Variants in MED12L observed in about 807,000 individuals in gnomAD.
The protein encoded by MED12L is mediator of RNA polymerase II transcription subunit 12-like protein.
In MED12L, 60 loss-of-function variants were observed where a neutral mutation model predicts 281.3. The observed-to-expected ratio is 0.21, with a 90% confidence interval of 0.17 to 0.26. MED12L has a LOEUF of 0.26. Among genes scored for constraint, MED12L ranks in the 10% least tolerant of loss-of-function variants. The probability of loss-of-function intolerance (pLI) is 1.00; values close to 1 mark genes in which losing one functional copy is unlikely to be tolerated. For missense variants in MED12L, 2,146 were observed against 2,680.9 expected, an observed-to-expected ratio of 0.80 and a Z score of 4.41; for synonymous variants, 974 against 987.2, an observed-to-expected ratio of 0.99 and a Z score of 0.25.
intron 16 of MED12L, among the ~76,000 whole-genome samples, chr3:151,210,558 T>A (rs1727004239): frequency 6.6e-6 from 1 of 152,218 alleles, no homozygotes; most frequent in African/African-American, 2.4e-5. Flanking sequence ...TAAAACATTT[T>A]GTATAGGTAG....
At position 151,385,089 on chromosome 3, in the gene MED12L, G is replaced by T. The variant is rs1456674839; in HGVS notation, c.4986G>T (p.Leu1662Phe). The stretch of plus-strand genomic sequence containing the variant: ...ACAAAGTTCGACAGTTACTACCTTT[G>T]CCGAAACAGACATGTGATGTCATCA... ...SIDKVRQLLP[L>F]PKQTCDVITC... The change falls in exon 36 of 45, where the codon TTG becomes TTT. Residue 1662 changes from leucine (L) to phenylalanine (F), a missense_variant. By Grantham distance (22) the Leu-to-Phe change is conservative (BLOSUM62 0). Transcript: ENST00000687756. 2.5e-6 allele frequency: 4 copies of T among 1,612,366 alleles called. No individual in the cohort carries two copies. In the Admixed American group the frequency reaches 5.0e-5, roughly 20 times the overall value.
chr3:151,367,531 G>A (rs1755433937), intron 23 of MED12L, 115 bp from the exon 24 acceptor site: 1 of 878,364 alleles, frequency 1.1e-6, no homozygotes. Flanking sequence ...CCCTCTGCTG[G>A]TTCATGTTGG....
intron 24 of MED12L, 147 bp downstream of exon 24, chr3:151,367,913 A>G (rs1185930943): frequency 3.0e-6 from 3 of 1,016,446 alleles, no homozygotes; most frequent in Admixed American, 2.4e-5. Flanking sequence ...TAGAATTTTA[A>G]TAGTTATTTT....
chr3:151,345,268 T>A, intron 16 of MED12L, among the ~76,000 whole-genome samples: 1 of 152,172 alleles, frequency 6.6e-6, no homozygotes, highest in East Asian at 1.9e-4. Flanking sequence ...GACTCTCCAG[T>A]TGATGCTTTT....
chr3:151,251,485 G>A (rs1736846726), intron 16 of MED12L, among the ~76,000 whole-genome samples: 1 of 151,934 alleles, frequency 6.6e-6, no homozygotes, highest in Admixed American at 6.6e-5. Context: ...CCACCCACAG[G>A]GTGTGTCCTC....
At chr3:151,215,588 CT>C (rs1447035228) in intron 16 of MED12L, among the ~76,000 whole-genome samples, 1 of 152,132 alleles carries the variant, frequency 6.6e-6, no homozygotes, top group Non-Finnish European at 1.5e-5. Flanking sequence ...TTTAGGAATC[CT>C]GTATATTCTT....
At chr3:151,425,564 GTT>G in intron 43 of MED12L, 1 of 318,426 alleles carries the variant, frequency 3.1e-6, no homozygotes, top group Non-Finnish European at 6.5e-6. Flanking sequence ...TTTTGTTTTT[GTT>G]TGTGTGTGTG....
chr3:151,355,777 C>T lies in MED12L; in HGVS notation c.2518-119C>T, dbSNP rs1577420164. 6 of 799,184 alleles carry T rather than the reference C, an allele frequency of 7.5e-6. No homozygotes were observed. The South Asian group carries it at 1.5e-4, about 20-fold the overall frequency. The allele number at this position is 799,184 out of a possible 1,614,324, so 49.5% of individuals were successfully genotyped here. A position where few individuals can be genotyped will look rare whatever the true frequency, so the allele number is the denominator to read the frequency against. On this transcript the variant is annotated intron_variant, in intron 18 of 44. Coordinates refer to ENST00000687756, the MANE Select transcript of MED12L (RefSeq NM_001393769.1). ...TAGTTTCTATAGAAACACGTTTTGA[C>T]TTTCGTCAAAGTAGAATCATGTATA...
chr3:151,198,216 T>C, intron 16 of MED12L: 1 of 427,036 alleles, frequency 2.3e-6, no homozygotes. Context: ...TTTGTACAAA[T>C]ATTTGGGTTA....
intron 39 of MED12L, among the ~76,000 whole-genome samples, chr3:151,399,865 C>T (rs189309695): frequency 1.1e-4 from 17 of 151,290 alleles, no homozygotes; most frequent in East Asian, 9.9e-4. Context: ...CTCCCTCTGT[C>T]GCCCAGGCTG....
At chr3:151,426,713 T>C (rs1336962614) in intron 43 of MED12L, among the ~76,000 whole-genome samples, 2 of 152,206 alleles carry the variant, frequency 1.3e-5, no homozygotes, top group African/African-American at 4.8e-5. Context: ...CTAAATATTG[T>C]TATGTTTAGT....
intron 16 of MED12L, among the ~76,000 whole-genome samples, chr3:151,271,335 T>A (rs1262577492): frequency 1.3e-5 from 2 of 152,138 alleles, no homozygotes; most frequent in African/African-American, 2.4e-5. Context: ...CCCATTAGAA[T>A]GGAAAAAAAC....
intron 13 of MED12L, 82 bp from the exon 14 acceptor site, chr3:151,190,631 AAAGT>A (rs1723851550): frequency 8.3e-7 from 1 of 1,203,564 alleles, no homozygotes; most frequent in African/African-American, 1.5e-5. Flanking sequence ...TTGATTGTGA[AAAGT>A]AATGAAAATA....
At chr3:151,227,412 A>G (rs546112404) in intron 16 of MED12L, among the ~76,000 whole-genome samples, 1 of 151,816 alleles carries the variant, frequency 6.6e-6, no homozygotes, top group African/African-American at 2.4e-5. Context: ...ATGTGTGAGA[A>G]TGGTAAGGGG....
In MED12L at chr3:151,377,933, C is replaced by T. The variant is rs375916407; in HGVS notation, c.4317-79C>T. On this transcript the variant is annotated intron_variant, in intron 30 of 44. Transcript: ENST00000687756. ...CTGTGTGTCTCATACATCAAAGTTT[C>T]GCTTTGGAGTTTCTGTTATAACTGT... 282 of 1,369,402 alleles carry T rather than the reference C, an allele frequency of 2.1e-4. 2 individuals are homozygous for T. The East Asian group carries it at 5.4e-3, about 26-fold the overall frequency. The allele number at this position is 1,369,402 out of a possible 1,614,324, so 84.8% of individuals were successfully genotyped here.
At chr3:151,421,059 G>T (rs932206392) in intron 43 of MED12L, among the ~76,000 whole-genome samples, 12 of 152,162 alleles carry the variant, frequency 7.9e-5, no homozygotes, top group Non-Finnish European at 1.6e-4. Flanking sequence ...GGCACTCAGT[G>T]GTGGCCGTAG....
At chr3:151,293,806 AT>A (rs1744666914) in intron 16 of MED12L, among the ~76,000 whole-genome samples, 1 of 152,172 alleles carries the variant, frequency 6.6e-6, no homozygotes, top group Non-Finnish European at 1.5e-5. Flanking sequence ...TTCTTTTCCT[AT>A]CCTTCAACTT....
intron 32 of MED12L, 96 bp from the exon 33 acceptor site, chr3:151,382,560 A>G: frequency 2.9e-6 from 2 of 678,344 alleles, no homozygotes; most frequent in Admixed American, 7.2e-5. Flanking sequence ...TTTGTTAAAG[A>G]TAAGAAGTGG....
At chr3:151,363,947 A>G (rs1754955012) in intron 21 of MED12L, among the ~76,000 whole-genome samples, 2 of 152,164 alleles carry the variant, frequency 1.3e-5, no homozygotes. Flanking sequence ...GTGACTTTTC[A>G]TCTTCGAGGG....
Sources: allele counts gnomAD v4.1 joint callset (sites outside exome capture counted in the v4.1 genomes callset), GRCh38; gene constraint gnomAD v4.1.1; transcripts MANE v1.5; gene names NCBI Gene and HGNC (gene_info 2026-07-23, HGNC 2026-07-21).